The following POC1B variants were observed in gnomAD, a reference collection of about 807,000 sequenced individuals.
POC1B encodes the protein POC1 centriolar protein B, also known as POC1 centriolar protein homolog B.
In POC1B, 44 loss-of-function variants were observed where a neutral mutation model predicts 60.6. That is an observed-to-expected ratio of 0.73 (90% confidence interval 0.57 to 0.93). The LOEUF is 0.93. POC1B is among the 40% of genes least tolerant of loss of function. The pLI is 0.00. For missense variants in POC1B, 555 were observed against 572.3 expected, an observed-to-expected ratio of 0.97 and a Z score of 0.31; for synonymous variants, 180 against 198.9, an observed-to-expected ratio of 0.90 and a Z score of 0.80.
At chr12:89,442,242 G>A (rs930410591) in intron 10 of POC1B, among the ~76,000 whole-genome samples, 2 of 152,096 alleles carry the variant, frequency 1.3e-5, no homozygotes, top group African/African-American at 2.4e-5. Flanking sequence ...TCAAATTCAG[G>A]AAATACAGAG....
intron 10 of POC1B, among the ~76,000 whole-genome samples, chr12:89,455,092 G>T (rs1284840648): frequency 6.6e-6 from 1 of 152,180 alleles, no homozygotes; most frequent in African/African-American, 2.4e-5. Context: ...TCAGCACTTT[G>T]AGAGGCCGAG....
At chr12:89,444,498 C>T (rs1007529694) in intron 10 of POC1B, among the ~76,000 whole-genome samples, 7 of 152,262 alleles carry the variant, frequency 4.6e-5, no homozygotes, top group Non-Finnish European at 8.8e-5. Context: ...GAACCAAAGA[C>T]AAAAACCACA....
At chr12:89,502,622 A>C in intron 2 of POC1B, 2 of 1,318,724 alleles carry the variant, frequency 1.5e-6, no homozygotes, top group East Asian at 2.3e-5. Flanking sequence ...GATTATTCTC[A>C]TGGATCTTGT....
intron 1 of POC1B, 26 bp downstream of exon 1, chr12:89,525,855 C>T (rs764659740): frequency 2.4e-6 from 2 of 844,984 alleles, no homozygotes; most frequent in Non-Finnish European, 3.2e-6. Context: ...AGGGAGGGAC[C>T]CCCCCCACCT....
At chr12:89,430,153 C>T (rs547325770) in intron 10 of POC1B, among the ~76,000 whole-genome samples, 1 of 152,230 alleles carries the variant, frequency 6.6e-6, no homozygotes, top group Admixed American at 6.5e-5. Flanking sequence ...CTGAGAAATC[C>T]TTATCTATAT....
chr12:89,433,283 T>G (rs752674910), intron 10 of POC1B, among the ~76,000 whole-genome samples: 2 of 152,128 alleles, frequency 1.3e-5, no homozygotes, highest in African/African-American at 2.4e-5. Context: ...ATCACAAATG[T>G]GTGCTGATAG....
chr12:89,459,889 T>C (rs1882419379), intron 9 of POC1B, 171 bp from the exon 10 acceptor site: 2 of 474,954 alleles, frequency 4.2e-6, no homozygotes, highest in South Asian at 4.0e-5. Flanking sequence ...CTACCAATTC[T>C]ATCAACGTAT....
rs1483514348 is a variant in POC1B, at chr12:89,420,478, GGTGA to G, written c.*671_*674del. ...CACATTCATCTGTGATAGAAAGATA[GGTGA>G]GTTTCATTTCCTTCAGGTTGGCCAA... On this transcript the variant is annotated 3_prime_UTR_variant, in exon 12 of 12. Transcript: ENST00000313546. 3 of 152,130 alleles carry G rather than the reference GGTGA, an allele frequency of 2.0e-5. No individual in the cohort carries two copies. The highest frequency in any genetic ancestry group is 4.4e-5 in the Non-Finnish European group (3 of 68,016). 9.4% of individuals were successfully genotyped at this position (152,130 alleles called of 1,614,324 possible). A position where few individuals can be genotyped will look rare whatever the true frequency, so the allele number is the denominator to read the frequency against.
chr12:89,433,774 G>C lies in POC1B; in HGVS notation c.1114-8395C>G, dbSNP rs191366452. 2.6e-5 allele frequency among the ~76,000 whole-genome samples: 4 copies of C among 152,304 alleles called. No homozygotes were observed. The East Asian group carries it at 7.7e-4, about 29-fold the overall frequency. ...GTCACAGAGTTCATCTGAGAATCTTGACAAAGAGGATGGCTGCCTTTCAGA... is the reference window on the plus strand; with the variant it reads ...GTCACAGAGTTCATCTGAGAATCTTCACAAAGAGGATGGCTGCCTTTCAGA... On this transcript the variant is annotated intron_variant, in intron 10 of 11. Transcript: ENST00000313546.
At chr12:89,459,610 CAAAA>C (rs35166321) in intron 10 of POC1B, 24 bp downstream of exon 10, 193 of 884,406 alleles carry the variant, frequency 2.2e-4, no homozygotes, top group South Asian at 9.8e-4. Flanking sequence ...ACTTAAGTGT[CAAAA>C]AAAAAAAAAA....
intron 2 of POC1B, chr12:89,524,240 T>G: frequency 6.2e-7 from 1 of 1,613,988 alleles, no homozygotes; most frequent in East Asian, 2.2e-5. Flanking sequence ...CTGAGGTAAA[T>G]ATTGATGGCG....
chr12:89,475,724 C>T (rs1479054575), intron 4 of POC1B, among the ~76,000 whole-genome samples: 1 of 151,992 alleles, frequency 6.6e-6, no homozygotes, highest in Non-Finnish European at 1.5e-5. Context: ...TAATTTAGTA[C>T]CACCCAACTG....
chr12:89,473,941 A>G (rs2135720784), intron 4 of POC1B, among the ~76,000 whole-genome samples: 1 of 152,106 alleles, frequency 6.6e-6, no homozygotes, highest in East Asian at 1.9e-4. Context: ...GCGGTGGCTC[A>G]TGCCTGTAAT....
intron 2 of POC1B, chr12:89,501,877 C>G (rs878950659): frequency 8.3e-7 from 1 of 1,208,738 alleles, no homozygotes. Flanking sequence ...CCAAAGAGTA[C>G]AGAAGTTTTT....
intron 10 of POC1B, among the ~76,000 whole-genome samples, chr12:89,454,933 C>T (rs1185957539): frequency 6.6e-6 from 1 of 151,272 alleles, no homozygotes; most frequent in African/African-American, 2.5e-5. Context: ...GATCCCACCA[C>T]ATCTGCTGTC....
rs531763703 is a variant in POC1B at position 89,443,819 on chromosome 12, GT to G, written c.1113+15818del. Among the ~76,000 whole-genome samples, 1,017 of 150,872 alleles carry G rather than the reference GT, an allele frequency of 6.7e-3. 19 individuals carry two copies. The highest frequency in any genetic ancestry group is 0.024 in the African/African-American group (981 of 41,276). Reference sequence around the variant, plus strand: ...AAAAAATCAATGAATCCAGGAGCTGGTTTTTTGAAAAGATCCACAAAATTGA... The same window carrying G: ...AAAAAATCAATGAATCCAGGAGCTGGTTTTTGAAAAGATCCACAAAATTGA... On this transcript the variant is annotated intron_variant, in intron 10 of 11. Transcript: ENST00000313546.
At chr12:89,467,484 G>A in intron 8 of POC1B, 133 bp downstream of exon 8, 1 of 699,272 alleles carries the variant, frequency 1.4e-6, no homozygotes, top group Non-Finnish European at 2.3e-6. Context: ...CAGACTTCAT[G>A]GTACTAATTA....
At chr12:89,409,433 A>G in the POC1B span, among the ~76,000 whole-genome samples, 21 of 152,282 alleles carry the variant, frequency 1.4e-4, no homozygotes, top group African/African-American at 4.1e-4. Flanking sequence ...AGATGGTTGT[A>G]GATGCGTGGT....
rs1485590273 is a variant in POC1B at position 89,429,645 on chromosome 12, C to T, written c.1114-4266G>A. ...ATGTACGTATGGTATGATGCCCGCT[C>T]TCAAGGATTCCCTGTTGCGATGAGA... On this transcript the variant is annotated intron_variant, in intron 10 of 11. Coordinates refer to ENST00000313546, the MANE Select transcript of POC1B (RefSeq NM_172240.3). Among the ~76,000 whole-genome samples, 5 of 152,130 alleles carry T rather than the reference C, an allele frequency of 3.3e-5. 1 individual carries two copies. Among genetic ancestry groups the T allele is most frequent in the Non-Finnish European group, 5.9e-5 (4 of 68,018 alleles).
Sources: gnomAD v4.1 joint callset for allele counts (sites outside exome capture counted in the v4.1 genomes callset) on GRCh38, gnomAD v4.1.1 for gene constraint, MANE v1.5 for transcripts, NCBI Gene and HGNC (gene_info 2026-07-23, HGNC 2026-07-21) for gene names.